Variants in PPP2R2A observed in about 807,000 individuals in gnomAD.
The protein encoded by PPP2R2A is serine/threonine-protein phosphatase 2A 55 kDa regulatory subunit B alpha isoform.
In PPP2R2A, 9 loss-of-function variants were observed where a neutral mutation model predicts 53.2. The observed-to-expected ratio is 0.17, with a 90% confidence interval of 0.10 to 0.30. The LOEUF (loss-of-function observed/expected upper bound fraction) is 0.30, where lower values mean the gene tolerates loss of function less well. PPP2R2A is among the 10% of genes least tolerant of loss of function. The pLI, the probability that PPP2R2A is intolerant of heterozygous loss-of-function variation, is 1.00. For synonymous variants in PPP2R2A, 169 were observed against 174.2 expected (o/e 0.97, Z 0.23); for missense variants, 235 against 534.6 (o/e 0.44, Z 5.53).
intron 2 of PPP2R2A, among the ~76,000 whole-genome samples, chr8:26,307,418 C>T (rs1214069349): frequency 1.3e-5 from 2 of 152,190 alleles, no homozygotes; most frequent in South Asian, 2.1e-4. Flanking sequence ...CTGTACTACA[C>T]ATTATAGAAT....
intron 2 of PPP2R2A, among the ~76,000 whole-genome samples, chr8:26,327,972 A>AC (rs1291555598): frequency 8.5e-5 from 13 of 152,204 alleles, no homozygotes; most frequent in African/African-American, 3.1e-4. Flanking sequence ...TTTGAATTGA[A>AC]CAGAGGTAAA....
At chr8:26,339,306 T>G (rs1803821423) in intron 3 of PPP2R2A, among the ~76,000 whole-genome samples, 1 of 152,190 alleles carries the variant, frequency 6.6e-6, no homozygotes, top group Non-Finnish European at 1.5e-5. Context: ...AATTTTTCCT[T>G]TGAAACTCCG....
At chr8:26,361,256 G>A in intron 6 of PPP2R2A, 105 bp downstream of exon 6, 1 of 1,097,336 alleles carries the variant, frequency 9.1e-7, no homozygotes, top group Non-Finnish European at 1.3e-6. Flanking sequence ...TATAGTCTGT[G>A]TACATATATG....
intron 2 of PPP2R2A, among the ~76,000 whole-genome samples, chr8:26,317,371 G>A (rs933769894): frequency 6.6e-6 from 1 of 152,074 alleles, no homozygotes; most frequent in Admixed American, 6.5e-5. Context: ...CTTGCTTATT[G>A]TATGTAGGCT....
intron 2 of PPP2R2A, among the ~76,000 whole-genome samples, chr8:26,331,310 A>C (rs552124805): frequency 5.3e-5 from 8 of 152,126 alleles, no homozygotes; most frequent in Non-Finnish European, 8.8e-5. Context: ...TATTCTATTC[A>C]GTTTTCTAAT....
intron 2 of PPP2R2A, 59 bp downstream of exon 2, chr8:26,293,799 T>G (rs776683862): frequency 6.7e-7 from 1 of 1,491,252 alleles, no homozygotes; most frequent in Non-Finnish European, 9.3e-7. Flanking sequence ...TGTTTCCTAC[T>G]GGAGGATTTC....
intron 2 of PPP2R2A, among the ~76,000 whole-genome samples, chr8:26,320,129 A>C (rs1240057734): frequency 2.6e-5 from 4 of 152,200 alleles, no homozygotes; most frequent in Non-Finnish European, 5.9e-5. Context: ...ACCCTTAGGC[A>C]CTGTGCCTTA....
intron 6 of PPP2R2A, among the ~76,000 whole-genome samples, chr8:26,361,387 G>T (rs1211098485): frequency 6.6e-6 from 1 of 152,168 alleles, no homozygotes; most frequent in Non-Finnish European, 1.5e-5. Context: ...TAAGGAATTT[G>T]TCTATTGTAT....
chr8:26,364,679 G>A (rs183873481), intron 8 of PPP2R2A, among the ~76,000 whole-genome samples: 50 of 152,210 alleles, frequency 3.3e-4, no homozygotes, highest in Middle Eastern at 6.8e-3. Flanking sequence ...TTTTTGATAC[G>A]TGAAATTTCA....
chr8:26,333,743 TAAG>T (rs1803501755), intron 2 of PPP2R2A, among the ~76,000 whole-genome samples: 1 of 152,186 alleles, frequency 6.6e-6, no homozygotes, highest in Admixed American at 6.5e-5. Context: ...TTATAATACA[TAAG>T]AAACAGAAGA....
intron 2 of PPP2R2A, among the ~76,000 whole-genome samples, chr8:26,303,495 A>G (rs1801880530): frequency 6.6e-6 from 1 of 152,216 alleles, no homozygotes; most frequent in African/African-American, 2.4e-5. Flanking sequence ...GTTCTAGGAA[A>G]GAAGGCATAA....
intron 2 of PPP2R2A, among the ~76,000 whole-genome samples, chr8:26,315,280 C>T (rs1490604706): frequency 1.3e-5 from 2 of 151,914 alleles, no homozygotes; most frequent in Non-Finnish European, 2.9e-5. Context: ...GTGGGCTTCA[C>T]TGTAGGGTGA....
At chr8:26,300,878 G>C (rs1185027401) in intron 2 of PPP2R2A, among the ~76,000 whole-genome samples, 1 of 152,016 alleles carries the variant, frequency 6.6e-6, no homozygotes. Context: ...AAAAAGCCTA[G>C]GTGCAAATTA....
intron 2 of PPP2R2A, among the ~76,000 whole-genome samples, chr8:26,302,306 G>A (rs1801823061): frequency 6.6e-6 from 1 of 152,190 alleles, no homozygotes; most frequent in Admixed American, 6.5e-5. Flanking sequence ...ACACGTCTCT[G>A]CCATTGTGAG....
At chr8:26,293,539 G>T in intron 1 of PPP2R2A, 127 bp from the exon 2 acceptor site, 1 of 864,458 alleles carries the variant, frequency 1.2e-6, no homozygotes, top group Non-Finnish European at 1.8e-6. Flanking sequence ...TGGTGCTCTT[G>T]GTGGTAGTTG....
chr8:26,291,738 C>T lies in PPP2R2A; in HGVS notation c.-82C>T. On this transcript the variant is annotated 5_prime_UTR_variant, in exon 1 of 10. Transcript: ENST00000380737. Reference sequence around the variant, plus strand: ...ATCCGCCGCCATCCGCCCTCTCTACCCCCCCATCCCCAGGTGAGGGGGGTG... The same window carrying T: ...ATCCGCCGCCATCCGCCCTCTCTACTCCCCCATCCCCAGGTGAGGGGGGTG... 2.0e-6 allele frequency: 3 copies of T among 1,483,974 alleles called. No homozygotes were observed. The highest frequency in any genetic ancestry group is 2.8e-6 in the Non-Finnish European group (3 of 1,086,420). 91.9% of individuals were successfully genotyped at this position (1,483,974 alleles called of 1,614,324 possible).
chr8:26,362,136 A>G lies in PPP2R2A; in HGVS notation c.638-548A>G, dbSNP rs777687502. ...AGAAAAAGAAAGATTAAAGATTACG[A>G]TTAGATTAAGATTAGAAAAAGAAAT... On this transcript the variant is annotated intron_variant, in intron 6 of 9. Transcript: ENST00000380737. The surrounding 1 kb of genome is among the most constrained non-coding windows in gnomAD (Gnocchi z 4.4). 4.6e-5 allele frequency among the ~76,000 whole-genome samples: 7 copies of G among 151,714 alleles called. No homozygotes were observed. The highest frequency in any genetic ancestry group is 2.0e-4 in the Admixed American group (3 of 15,254).
At chr8:26,356,316 G>A (rs1804782091) in intron 4 of PPP2R2A, among the ~76,000 whole-genome samples, 1 of 152,154 alleles carries the variant, frequency 6.6e-6, no homozygotes, top group South Asian at 2.1e-4. Flanking sequence ...GGCCATCAGC[G>A]TTGGCCGCCT....
At chr8:26,333,503 T>G in intron 2 of PPP2R2A, 1 of 1,235,574 alleles carries the variant, frequency 8.1e-7, no homozygotes, top group Non-Finnish European at 1.1e-6. Flanking sequence ...ATTTGAGACA[T>G]AGTCCTCAAG....
Sources: allele counts gnomAD v4.1 joint callset (sites outside exome capture counted in the v4.1 genomes callset), GRCh38; gene constraint gnomAD v4.1.1; non-coding constraint Gnocchi (gnomAD v3.1); transcripts MANE v1.5; gene names NCBI Gene and HGNC (gene_info 2026-07-23, HGNC 2026-07-21).